The following CACNA2D3 variants were observed in gnomAD, a reference collection of about 807,000 sequenced individuals.
The protein encoded by CACNA2D3 is voltage-dependent calcium channel subunit alpha-2/delta-3.
In CACNA2D3, 60 loss-of-function variants were observed where a neutral mutation model predicts 160.6. The ratio of observed to expected loss-of-function variants is 0.37; its 90% CI spans 0.30 to 0.46. The LOEUF is 0.46. Among genes scored for constraint, CACNA2D3 ranks in the 20% least tolerant of loss-of-function variants. The pLI is 1.00. For synonymous variants in CACNA2D3, 558 were observed against 492.9 expected (o/e 1.13, Z -1.75); for missense variants, 1,205 against 1,365.0 (o/e 0.88, Z 1.85).
chr3:54,260,923 G>A (rs538410240), intron 2 of CACNA2D3, among the ~76,000 whole-genome samples: 40 of 152,214 alleles, frequency 2.6e-4, no homozygotes, highest in Middle Eastern at 6.8e-3. Flanking sequence ...ATGTGACTCC[G>A]TCTCATTTCC....
chr3:54,995,924 C>T (rs755294863), intron 31 of CACNA2D3, among the ~76,000 whole-genome samples: 10 of 152,192 alleles, frequency 6.6e-5, no homozygotes, highest in Non-Finnish European at 1.3e-4. Flanking sequence ...GTCTTCCCTC[C>T]CCACAGCATG....
At chr3:54,635,399 AAC>A (rs1295964605) in intron 10 of CACNA2D3, among the ~76,000 whole-genome samples, 1 of 151,974 alleles carries the variant, frequency 6.6e-6, no homozygotes, top group African/African-American at 2.4e-5. Context: ...GGCTTGGAGA[AAC>A]AGTGTAAACC....
intron 2 of CACNA2D3, among the ~76,000 whole-genome samples, chr3:54,140,281 G>T (rs1699899167): frequency 6.6e-6 from 1 of 152,180 alleles, no homozygotes; most frequent in African/African-American, 2.4e-5. Flanking sequence ...TGTCCAGCAG[G>T]CACAAAAACA....
chr3:54,337,187 G>A (rs1031208885), intron 3 of CACNA2D3, among the ~76,000 whole-genome samples: 4 of 152,226 alleles, frequency 2.6e-5, no homozygotes, highest in Admixed American at 1.3e-4. Context: ...GTAGTGCAAA[G>A]GTGGAAAGAT....
chr3:54,344,209 G>A (rs970505427), intron 3 of CACNA2D3, among the ~76,000 whole-genome samples: 2 of 152,110 alleles, frequency 1.3e-5, no homozygotes, highest in Non-Finnish European at 2.9e-5. Context: ...CACCTCTCCC[G>A]TAGGCTCCCT....
At chr3:55,052,825 T>A (rs1704260135) in intron 35 of CACNA2D3, among the ~76,000 whole-genome samples, 1 of 152,114 alleles carries the variant, frequency 6.6e-6, no homozygotes, top group Admixed American at 6.5e-5. Context: ...GTGACTAACA[T>A]TTTCGTGGAA....
intron 16 of CACNA2D3, among the ~76,000 whole-genome samples, chr3:54,842,539 G>A (rs1208442950): frequency 6.6e-6 from 1 of 152,010 alleles, no homozygotes; most frequent in Non-Finnish European, 1.5e-5. Context: ...GATGGAGGAA[G>A]TACTGCCTCC....
At chr3:54,969,492 T>G (rs1268940818) in intron 28 of CACNA2D3, among the ~76,000 whole-genome samples, 1 of 152,142 alleles carries the variant, frequency 6.6e-6, no homozygotes, top group Non-Finnish European at 1.5e-5. Context: ...ACTCCTGACC[T>G]CAAGTGATCT....
At chr3:54,144,065 T>A (rs1699982544) in intron 2 of CACNA2D3, among the ~76,000 whole-genome samples, 1 of 152,238 alleles carries the variant, frequency 6.6e-6, no homozygotes, top group Non-Finnish European at 1.5e-5. Context: ...TTTCTGAATC[T>A]TATGATGCAA....
chr3:54,624,497 C>T (rs965101967), intron 9 of CACNA2D3, among the ~76,000 whole-genome samples: 1 of 152,140 alleles, frequency 6.6e-6, no homozygotes, highest in Non-Finnish European at 1.5e-5. Context: ...TGGCGGGCGC[C>T]TGTAGTCCCA....
At chr3:54,564,171 G>A (rs1479635930) in intron 6 of CACNA2D3, among the ~76,000 whole-genome samples, 2 of 152,120 alleles carry the variant, frequency 1.3e-5, no homozygotes, top group Non-Finnish European at 2.9e-5. Context: ...CTCGCTATGC[G>A]GCACTGTGAA....
intron 11 of CACNA2D3, among the ~76,000 whole-genome samples, chr3:54,743,609 C>A (rs936295834): frequency 2.0e-5 from 3 of 152,132 alleles, no homozygotes; most frequent in East Asian, 3.8e-4. Context: ...TAATTTATTC[C>A]CCTTTGACAT....
At chr3:54,813,930 T>G (rs898913209) in intron 13 of CACNA2D3, among the ~76,000 whole-genome samples, 4 of 150,456 alleles carry the variant, frequency 2.7e-5, no homozygotes, top group African/African-American at 9.8e-5. Flanking sequence ...AGTGGCATTA[T>G]CAGGGCTCAC....
intron 27 of CACNA2D3, chr3:54,918,554 C>T: frequency 6.2e-7 from 1 of 1,614,062 alleles, no homozygotes; most frequent in Non-Finnish European, 8.5e-7. Context: ...GCTGTGATTG[C>T]CGCATAGGTG....
chr3:55,046,070 G>C (rs1704073071), intron 35 of CACNA2D3, among the ~76,000 whole-genome samples: 1 of 150,304 alleles, frequency 6.7e-6, no homozygotes, highest in African/African-American at 2.5e-5. Flanking sequence ...TAAAAATTTT[G>C]ATAGGTTTTA....
At chr3:54,498,256 A>C (rs138896709) in intron 4 of CACNA2D3, among the ~76,000 whole-genome samples, 3 of 152,004 alleles carry the variant, frequency 2.0e-5, no homozygotes, top group Non-Finnish European at 4.4e-5. Context: ...TGAAATCAAT[A>C]TCTTTTGTAT....
At chr3:54,807,320 A>G (rs531627446) in intron 13 of CACNA2D3, among the ~76,000 whole-genome samples, 3 of 152,356 alleles carry the variant, frequency 2.0e-5, no homozygotes, top group African/African-American at 7.2e-5. Context: ...CAAAGGGCTA[A>G]TATCCAGAAT....
chr3:54,464,429 A>C (rs1700572984), intron 4 of CACNA2D3, among the ~76,000 whole-genome samples: 1 of 152,202 alleles, frequency 6.6e-6, no homozygotes, highest in Non-Finnish European at 1.5e-5. Flanking sequence ...GGCTCCACCC[A>C]GTTCGAGCTT....
chr3:54,926,133 A>G (rs1041709837), intron 27 of CACNA2D3, among the ~76,000 whole-genome samples: 1 of 152,106 alleles, frequency 6.6e-6, no homozygotes, highest in South Asian at 2.1e-4. Flanking sequence ...TCCTCACACC[A>G]TTACTGATGT....
Sources: allele counts gnomAD v4.1 joint callset (sites outside exome capture counted in the v4.1 genomes callset), GRCh38; gene constraint gnomAD v4.1.1; transcripts MANE v1.5; gene names NCBI Gene and HGNC (gene_info 2026-07-23, HGNC 2026-07-21).